Variants in PDE7B observed in about 807,000 individuals in gnomAD.
PDE7B encodes the protein 3',5'-cyclic-AMP phosphodiesterase 7B.
PDE7B carries 29 observed loss-of-function variants against 56.2 expected under a neutral mutation model. That is an observed-to-expected ratio of 0.52 (90% CI 0.38 to 0.70). The LOEUF (loss-of-function observed/expected upper bound fraction) is 0.70, where lower values mean the gene tolerates loss of function less well. PDE7B is among the 30% of genes least tolerant of loss of function. The probability of loss-of-function intolerance (pLI) is 0.00; values close to 1 mark genes in which losing one functional copy is unlikely to be tolerated. For synonymous variants in PDE7B, 197 were observed against 196.9 expected (o/e 1.00, Z 0.00); for missense variants, 490 against 565.0 (o/e 0.87, Z 1.35).
At position 136,179,048 on chromosome 6, in the gene PDE7B, C is replaced by T; in HGVS notation, c.855C>T (p.Asn285=). 1 of 1,614,010 alleles carries T rather than the reference C, an allele frequency of 6.2e-7. No individual in the cohort carries two copies. The highest frequency in any genetic ancestry group is 2.2e-5 in the East Asian group (1 of 44,886). ...LGSLILATDI[N]RQNEFLTRLK... Reference sequence around the variant, plus strand: ...CCTTGATCTTGGCAACAGACATCAACAGGCAGAATGAATTTTTGACCAGAT... The same window carrying T: ...CCTTGATCTTGGCAACAGACATCAATAGGCAGAATGAATTTTTGACCAGAT... The change falls in exon 10 of 13, where the codon AAC becomes AAT. Residue 285 remains asparagine, a synonymous_variant. Transcript: ENST00000308191.
intron 3 of PDE7B, 105 bp from the exon 4 acceptor site, chr6:136,147,246 G>A: frequency 1.5e-6 from 1 of 679,456 alleles, no homozygotes; most frequent in Non-Finnish European, 2.5e-6. Flanking sequence ...AGTATAGAAA[G>A]CATCTTTTAA....
chr6:136,043,413 G>T (rs548152808), intron 2 of PDE7B, among the ~76,000 whole-genome samples: 37 of 152,054 alleles, frequency 2.4e-4, no homozygotes, highest in African/African-American at 8.7e-4. Flanking sequence ...TGGTTGCAAT[G>T]TTGAGATCTT....
intron 2 of PDE7B, among the ~76,000 whole-genome samples, chr6:136,091,308 C>T (rs1223636582): frequency 6.6e-6 from 1 of 152,144 alleles, no homozygotes; most frequent in Non-Finnish European, 1.5e-5. Flanking sequence ...TCCTCCCATA[C>T]TGGGCTGAGG....
At chr6:136,134,158 C>G (rs1400022799) in intron 3 of PDE7B, among the ~76,000 whole-genome samples, 1 of 151,962 alleles carries the variant, frequency 6.6e-6, no homozygotes, top group Non-Finnish European at 1.5e-5. Flanking sequence ...ACTAAAGGCC[C>G]TCAGAGGGGT....
chr6:136,079,783 A>G (rs961363901), intron 2 of PDE7B, among the ~76,000 whole-genome samples: 3 of 151,072 alleles, frequency 2.0e-5, no homozygotes, highest in African/African-American at 7.3e-5. Flanking sequence ...CTCAAAGGGT[A>G]TGGCTTCCAG....
rs754250442 is a variant in PDE7B, at chr6:136,155,593, C to T, written c.580-34C>T. On this transcript the variant is annotated intron_variant, in intron 7 of 12. Coordinates refer to ENST00000308191, the MANE Select transcript of PDE7B (RefSeq NM_018945.4). ...GATTATGAGCCTATTTGTGAAAATA[C>T]ACCAATCAATCTCCCAATTTGTTTT... 8 of 1,575,414 alleles carry T rather than the reference C, an allele frequency of 5.1e-6. No individual in the cohort carries two copies. The South Asian group carries it at 5.8e-5, about 11-fold the overall frequency.
At chr6:135,867,021 T>C (rs749232775) in intron 1 of PDE7B, among the ~76,000 whole-genome samples, 2 of 152,178 alleles carry the variant, frequency 1.3e-5, no homozygotes, top group Non-Finnish European at 2.9e-5. Context: ...TGCAGGTTTT[T>C]CCTGTGTGGG....
chr6:136,043,489 G>A (rs894626201), intron 2 of PDE7B, among the ~76,000 whole-genome samples: 4 of 150,098 alleles, frequency 2.7e-5, no homozygotes, highest in African/African-American at 4.9e-5. Flanking sequence ...TTCACCTCTC[G>A]GTGCCTCAGT....
At chr6:136,153,982 TA>T (rs1778565908) in intron 6 of PDE7B, 92 bp from the exon 7 acceptor site, 1 of 769,086 alleles carries the variant, frequency 1.3e-6, no homozygotes, top group Non-Finnish European at 2.2e-6. Flanking sequence ...GAGGCACTGA[TA>T]TTTTTAAGCA....
rs1345651355 is a variant in PDE7B at position 136,098,130 on chromosome 6, T to TC, written c.83-10599dup. 9 of 65,556 alleles carry TC rather than the reference T, an allele frequency of 1.4e-4. No individual in the cohort carries two copies. In the South Asian group the frequency reaches 5.3e-3, roughly 38 times the overall value. 4.1% of individuals were successfully genotyped at this position (65,556 alleles called of 1,614,324 possible). ...ATAACACAATATAACTCTCTTTAGTTCCTGGGGGGGGGGGGGGAAATATAT... is the reference window on the plus strand; with the variant it reads ...ATAACACAATATAACTCTCTTTAGTTCCCTGGGGGGGGGGGGGGAAATATAT... On this transcript the variant is annotated intron_variant, in intron 2 of 12. Transcript: ENST00000308191.
chr6:136,119,290 C>T lies in PDE7B; in HGVS notation c.166+10476C>T, dbSNP rs543918312. On this transcript the variant is annotated intron_variant, in intron 3 of 12. Coordinates refer to ENST00000308191, the MANE Select transcript of PDE7B (RefSeq NM_018945.4). ...ATGTTTATTAAAATATGCCAAAATC[C>T]GAACAAGGGTTCTTTCTAGATGATT... Among the ~76,000 whole-genome samples, 61 of 152,180 alleles carry T rather than the reference C, an allele frequency of 4.0e-4. 1 individual carries two copies. The highest frequency in any genetic ancestry group is 1.2e-3 in the Admixed American group (19 of 15,292).
In PDE7B at chr6:135,881,341, CAAA is replaced by C. The variant is rs34454603; in HGVS notation, c.21+29338_21+29340del. 7.8e-3 allele frequency among the ~76,000 whole-genome samples: 930 copies of C among 119,918 alleles called. 31 individuals carry two copies. Among genetic ancestry groups the C allele is most frequent in the Admixed American group, 0.055 (655 of 11,840 alleles). The allele number at this position is 119,918 out of a possible 152,430, so 78.7% of individuals were successfully genotyped here. A position where few individuals can be genotyped will look rare whatever the true frequency, so the allele number is the denominator to read the frequency against. On this transcript the variant is annotated intron_variant, in intron 1 of 12. Transcript: ENST00000308191. ...CAAAATCCCGTCTCTACTAAAAATA[CAAA>C]AAAAAAAAAAAAAAATAGCTGGGTG...
rs185392914 is a variant in PDE7B at position 136,143,231 on chromosome 6, A to G, written c.167-4120A>G. Among the ~76,000 whole-genome samples the G allele has an allele frequency of 3.9e-3, 594 of 152,076 alleles. 3 individuals are homozygous for G. Among genetic ancestry groups the G allele is most frequent in the Non-Finnish European group, 7.3e-3 (495 of 67,952 alleles). ...TAAACACCATCTGAGTTTATGTTTC[A>G]AAGACTGGCCCAATATGGTAGCTCA... On this transcript the variant is annotated intron_variant, in intron 3 of 12. Coordinates refer to ENST00000308191, the MANE Select transcript of PDE7B (RefSeq NM_018945.4).
In PDE7B at chr6:135,902,631, C is replaced by A. The variant is rs1776025101; in HGVS notation, c.22-44833C>A. Reference sequence around the variant, plus strand: ...AACTGGAAAAATATATCTACTTTTTCTTATTTTGATCCTAGATTTGTTCTT... The same window carrying A: ...AACTGGAAAAATATATCTACTTTTTATTATTTTGATCCTAGATTTGTTCTT... On this transcript the variant is annotated intron_variant, in intron 1 of 12. Transcript: ENST00000308191. 2.0e-5 allele frequency among the ~76,000 whole-genome samples: 3 copies of A among 152,028 alleles called. No individual in the cohort carries two copies. In the South Asian group the frequency reaches 6.2e-4, roughly 32 times the overall value.
chr6:136,075,184 G>A (rs1162659710), intron 2 of PDE7B, among the ~76,000 whole-genome samples: 2 of 152,156 alleles, frequency 1.3e-5, no homozygotes, highest in African/African-American at 2.4e-5. Flanking sequence ...GACATAGCAA[G>A]AGCATATTTC....
chr6:135,933,528 T>C (rs1371380410), intron 1 of PDE7B, among the ~76,000 whole-genome samples: 2 of 152,200 alleles, frequency 1.3e-5, no homozygotes, highest in African/African-American at 4.8e-5. Flanking sequence ...AATAAGCTGG[T>C]AGGTTTAATA....
intron 1 of PDE7B, among the ~76,000 whole-genome samples, chr6:135,916,823 C>T (rs1028994550): frequency 6.6e-6 from 1 of 151,880 alleles, no homozygotes; most frequent in Non-Finnish European, 1.5e-5. Context: ...TCTTCCTATC[C>T]ATGGCTTGAG....
intron 8 of PDE7B, 121 bp downstream of exon 8, chr6:136,155,879 A>T: frequency 9.6e-7 from 1 of 1,045,490 alleles, no homozygotes; most frequent in Non-Finnish European, 1.5e-6. Context: ...TCAAAGACGA[A>T]TGAAACACAA....
intron 3 of PDE7B, among the ~76,000 whole-genome samples, chr6:136,129,430 C>G (rs975231736): frequency 2.5e-4 from 38 of 152,188 alleles, no homozygotes; most frequent in Non-Finnish European, 2.5e-4. Flanking sequence ...AGCCACACTA[C>G]TTGCCCACTA....
Sources: allele counts gnomAD v4.1 joint callset (sites outside exome capture counted in the v4.1 genomes callset), GRCh38; gene constraint gnomAD v4.1.1; transcripts MANE v1.5; gene names NCBI Gene and HGNC (gene_info 2026-07-23, HGNC 2026-07-21).